ARHGAP35: variants seen among roughly 807,000 people sequenced by gnomAD.
ARHGAP35 encodes the protein Rho GTPase activating protein 35.
ARHGAP35 carries 15 observed loss-of-function variants against 111.1 expected under a neutral mutation model. The observed-to-expected ratio is 0.13, with a 90% CI of 0.09 to 0.21. The LOEUF is 0.21. ARHGAP35 is among the 10% of genes least tolerant of loss of function. The pLI is 1.00. For synonymous variants in ARHGAP35, 643 were observed against 710.3 expected (o/e 0.91, Z 1.51); for missense variants, 1,262 against 1,873.0 (o/e 0.67, Z 6.02).
At chr19:46,907,564 C>A (rs1334990614) in intron 1 of ARHGAP35, among the ~76,000 whole-genome samples, 1 of 143,688 alleles carries the variant, frequency 7.0e-6, no homozygotes, top group East Asian at 2.2e-4. Context: ...CTGCAAGCTC[C>A]GCCTCCCGGG....
chr19:46,995,723 AC>A lies in ARHGAP35; in HGVS notation c.4037-3578del, dbSNP rs541390946. ...GCTGTCCTGCCAGCACTTGGGCAGC[AC>A]CCAAACCTAAGCAGCTACTGGTGCC... On this transcript the variant is annotated intron_variant, in intron 5 of 6. Transcript: ENST00000672722. Among the ~76,000 whole-genome samples, 20 of 152,344 alleles carry A rather than the reference AC, an allele frequency of 1.3e-4. No homozygotes were observed. The South Asian group carries it at 3.5e-3, about 27-fold the overall frequency.
At chr19:46,878,614 C>T (rs1222720623) in intron 1 of ARHGAP35, among the ~76,000 whole-genome samples, 2 of 152,056 alleles carry the variant, frequency 1.3e-5, no homozygotes, top group African/African-American at 4.8e-5. Flanking sequence ...CCACTGTGTC[C>T]AGCTCCCACA....
chr19:46,968,984 G>A (rs980616148), intron 3 of ARHGAP35, among the ~76,000 whole-genome samples: 22 of 152,152 alleles, frequency 1.4e-4, no homozygotes, highest in Admixed American at 1.3e-3. Flanking sequence ...CTATTCAGGA[G>A]ACTGAGGCGG....
chr19:46,914,925 C>T (rs892006204), intron 1 of ARHGAP35, among the ~76,000 whole-genome samples: 1 of 152,158 alleles, frequency 6.6e-6, no homozygotes, highest in African/African-American at 2.4e-5. Context: ...TTAAGTAGGA[C>T]CAGTGCTACC....
chr19:46,898,431 A>T (rs2056068516), intron 1 of ARHGAP35, among the ~76,000 whole-genome samples: 1 of 152,172 alleles, frequency 6.6e-6, no homozygotes, highest in African/African-American at 2.4e-5. Context: ...AGAACTCAAA[A>T]ATTAATTGGA....
chr19:46,883,272 T>G (rs1378500238), intron 1 of ARHGAP35, among the ~76,000 whole-genome samples: 1 of 151,650 alleles, frequency 6.6e-6, no homozygotes, highest in Non-Finnish European at 1.5e-5. Flanking sequence ...TTTTTTTTTT[T>G]TTTTGTTAGT....
chr19:46,876,272 C>A (rs1209210035), intron 1 of ARHGAP35, among the ~76,000 whole-genome samples: 1 of 151,622 alleles, frequency 6.6e-6, no homozygotes, highest in Non-Finnish European at 1.5e-5. Context: ...ATGATCACAC[C>A]TTACTGCAGC....
intron 2 of ARHGAP35, among the ~76,000 whole-genome samples, chr19:46,932,487 C>T (rs764704277): frequency 7.2e-5 from 11 of 152,144 alleles, no homozygotes; most frequent in Non-Finnish European, 1.5e-4. Context: ...GAGTGACACA[C>T]GTCTGACTGG....
chr19:46,987,084 T>A (rs2056654427), intron 3 of ARHGAP35, among the ~76,000 whole-genome samples: 1 of 151,994 alleles, frequency 6.6e-6, no homozygotes, highest in African/African-American at 2.4e-5. Flanking sequence ...CACCTCGACC[T>A]CCCAAAGTGC....
At chr19:46,874,501 C>CTTTTTTTT (rs758783354) in intron 1 of ARHGAP35, among the ~76,000 whole-genome samples, 2 of 114,468 alleles carry the variant, frequency 1.7e-5, no homozygotes, top group African/African-American at 3.3e-5. Flanking sequence ...TATGTTTTGT[C>CTTTTTTTT]TTTTTTTTTT....
chr19:46,867,776 G>GTT (rs910553283), intron 1 of ARHGAP35, among the ~76,000 whole-genome samples: 8 of 146,404 alleles, frequency 5.5e-5, no homozygotes, highest in African/African-American at 2.0e-4. Context: ...TGTTGTTGTT[G>GTT]TTTTTTTTTT....
At chr19:46,950,782 T>C (rs907883323) in intron 3 of ARHGAP35, among the ~76,000 whole-genome samples, 1 of 152,222 alleles carries the variant, frequency 6.6e-6, no homozygotes, top group Non-Finnish European at 1.5e-5. Flanking sequence ...TTTGCACACA[T>C]CTTGATGACC....
At chr19:46,965,941 A>G (rs1252567205) in intron 3 of ARHGAP35, among the ~76,000 whole-genome samples, 5 of 152,210 alleles carry the variant, frequency 3.3e-5, no homozygotes, top group African/African-American at 1.2e-4. Context: ...CTAAAATATG[A>G]ATAAGATAGT....
At chr19:46,978,658 G>GGATGT (rs2056595420) in intron 3 of ARHGAP35, among the ~76,000 whole-genome samples, 2 of 126,744 alleles carry the variant, frequency 1.6e-5, no homozygotes, top group Non-Finnish European at 3.3e-5. Flanking sequence ...GTGTGTGGTG[G>GGATGT]GTGTGTGTGG....
intron 3 of ARHGAP35, among the ~76,000 whole-genome samples, chr19:46,943,110 A>G (rs959986548): frequency 2.6e-5 from 4 of 151,546 alleles, no homozygotes; most frequent in African/African-American, 9.7e-5. Context: ...GTGCAGTCGT[A>G]GCTCACGGCA....
At chr19:46,893,479 C>T (rs570954981) in intron 1 of ARHGAP35, among the ~76,000 whole-genome samples, 1 of 152,064 alleles carries the variant, frequency 6.6e-6, no homozygotes, top group Admixed American at 6.6e-5. Context: ...CCTTTCTAGC[C>T]TTAAAATGCT....
At chr19:46,965,940 G>A (rs182994181) in intron 3 of ARHGAP35, among the ~76,000 whole-genome samples, 14 of 152,214 alleles carry the variant, frequency 9.2e-5, no homozygotes, top group African/African-American at 3.4e-4. Flanking sequence ...GCTAAAATAT[G>A]AATAAGATAG....
chr19:47,004,745 G>A lies in ARHGAP35; in HGVS notation c.*4057G>A, dbSNP rs2056766770. ...TGTTTCGCAGCAAAAGTGAAGACCT[G>A]TATGTAAAGAAAGTATAACAATTAT... is the stretch of plus-strand genomic sequence containing the variant. On this transcript the variant is annotated 3_prime_UTR_variant, in exon 7 of 7. Transcript: ENST00000672722. The A allele has an allele frequency of 6.6e-6, 1 of 152,562 alleles. No individual in the cohort carries two copies. Among genetic ancestry groups the A allele is most frequent in the African/African-American group, 2.4e-5 (1 of 41,460 alleles). 9.5% of individuals were successfully genotyped at this position (152,562 alleles called of 1,614,324 possible). A position where few individuals can be genotyped will look rare whatever the true frequency, so the allele number is the denominator to read the frequency against.
Position 46,996,591 on chromosome 19 carries a change from T to C in ARHGAP35, c.4037-2713T>C, listed in dbSNP as rs112142551. On this transcript the variant is annotated intron_variant, in intron 5 of 6. Transcript: ENST00000672722. ...AGGACGGGATGAGACCCAGCTCTTA[T>C]GTAAAGGTGCTACCACTCGATGCCT... Among the ~76,000 whole-genome samples, 1,183 of 152,286 alleles carry C rather than the reference T, an allele frequency of 7.8e-3. 11 individuals carry two copies. Among genetic ancestry groups the C allele is most frequent in the African/African-American group, 0.026 (1,092 of 41,538 alleles).
Sources: allele counts gnomAD v4.1 joint callset (sites outside exome capture counted in the v4.1 genomes callset), GRCh38; gene constraint gnomAD v4.1.1; transcripts MANE v1.5; gene names NCBI Gene and HGNC (gene_info 2026-07-23, HGNC 2026-07-21).